The following ANKS1B variants were observed in gnomAD, a reference collection of about 807,000 sequenced individuals.
The protein encoded by ANKS1B is ankyrin repeat and sterile alpha motif domain-containing protein 1B.
A neutral mutation model predicts 148.3 loss-of-function variants in ANKS1B; 36 were observed. The ratio of observed to expected loss-of-function variants is 0.24; its 90% confidence interval spans 0.19 to 0.32. The LOEUF (loss-of-function observed/expected upper bound fraction) is 0.32, where lower values mean the gene tolerates loss of function less well. Ranked by LOEUF, ANKS1B falls within the 10% of genes least tolerant of loss-of-function variation. The pLI, the probability that ANKS1B is intolerant of heterozygous loss-of-function variation, is 1.00. For synonymous variants in ANKS1B, 542 were observed against 560.8 expected (o/e 0.97, Z 0.47); for missense variants, 1,157 against 1,542.6 (o/e 0.75, Z 4.19).
At chr12:99,375,518 T>C (rs17029298) in intron 12 of ANKS1B, among the ~76,000 whole-genome samples, 5,888 of 152,280 alleles carry the variant, frequency 0.039, 360 homozygotes, top group African/African-American at 0.13. Context: ...GACTCACCTA[T>C]AGTAAAAACT....
At chr12:98,781,633 C>G (rs1209289530) in intron 23 of ANKS1B, 2 of 360,178 alleles carry the variant, frequency 5.6e-6, no homozygotes, top group African/African-American at 4.2e-5. Context: ...TGCACCCCCC[C>G]TTTTCCTAGT....
intron 12 of ANKS1B, among the ~76,000 whole-genome samples, chr12:99,348,695 C>A (rs1242222037): frequency 6.6e-6 from 1 of 151,828 alleles, no homozygotes; most frequent in Admixed American, 6.6e-5. Context: ...TTAAGCAAAG[C>A]TATCCTTTAA....
chr12:98,904,011 T>G (rs1307691801), intron 17 of ANKS1B, among the ~76,000 whole-genome samples: 2 of 152,114 alleles, frequency 1.3e-5, no homozygotes, highest in Non-Finnish European at 2.9e-5. Flanking sequence ...TATGTTATAC[T>G]TAAAAATATA....
At chr12:99,341,821 G>T (rs1293345595) in intron 12 of ANKS1B, among the ~76,000 whole-genome samples, 2 of 152,016 alleles carry the variant, frequency 1.3e-5, no homozygotes, top group East Asian at 3.9e-4. Context: ...AATAATAAAG[G>T]TATATAGAAG....
At chr12:99,114,867 T>C (rs944280243) in intron 15 of ANKS1B, among the ~76,000 whole-genome samples, 1 of 151,954 alleles carries the variant, frequency 6.6e-6, no homozygotes, top group African/African-American at 2.4e-5. Context: ...AAGAATCATA[T>C]GAAAAAAAGC....
At chr12:99,351,015 T>C (rs1418549658) in intron 12 of ANKS1B, among the ~76,000 whole-genome samples, 8 of 152,116 alleles carry the variant, frequency 5.3e-5, no homozygotes, top group Non-Finnish European at 1.2e-4. Context: ...TATAGTAATC[T>C]AGGTTTATGA....
At chr12:99,312,536 A>T (rs762852887) in intron 12 of ANKS1B, among the ~76,000 whole-genome samples, 4 of 152,160 alleles carry the variant, frequency 2.6e-5, no homozygotes, top group Non-Finnish European at 5.9e-5. Context: ...CAAAATGACG[A>T]CATAGACCAA....
intron 5 of ANKS1B, 60 bp downstream of exon 5, chr12:99,781,962 A>G (rs2064377057): frequency 4.2e-6 from 6 of 1,429,434 alleles, no homozygotes; most frequent in East Asian, 2.4e-5. Flanking sequence ...TCCTTTGTCT[A>G]TTCCCAAAAT....
rs377503462 is a variant in ANKS1B, at chr12:99,086,811, ACT to A, written c.2527-1790_2527-1789del. Among the ~76,000 whole-genome samples, 269 of 152,268 alleles carry A rather than the reference ACT, an allele frequency of 1.8e-3. 8 individuals carry two copies. The South Asian group carries it at 0.046, about 26-fold the overall frequency. ...ATCACTATTTTTTTTGACAAATCAA[ACT>A]CTGTCCTACTTATGTGTAACACAAA... On this transcript the variant is annotated intron_variant, in intron 15 of 26. Transcript: ENST00000683438.
intron 12 of ANKS1B, among the ~76,000 whole-genome samples, chr12:99,320,937 G>A (rs2154031379): frequency 6.6e-6 from 1 of 152,326 alleles, no homozygotes; most frequent in South Asian, 2.1e-4. Flanking sequence ...CCCTGGAAAT[G>A]CTGCAGGTCT....
At chr12:99,654,048 C>A (rs573185661) in intron 9 of ANKS1B, among the ~76,000 whole-genome samples, 1 of 152,268 alleles carries the variant, frequency 6.6e-6, no homozygotes, top group East Asian at 1.9e-4. Context: ...ATGGAGCTCA[C>A]AGTTTAGTAT....
chr12:99,983,025 G>A (rs1384858703), intron 1 of ANKS1B, among the ~76,000 whole-genome samples: 3 of 152,126 alleles, frequency 2.0e-5, no homozygotes, highest in Non-Finnish European at 4.4e-5. Context: ...ACTTGTCAAG[G>A]GTAGCATGGA....
At chr12:99,169,403 G>A (rs561419409) in intron 14 of ANKS1B, among the ~76,000 whole-genome samples, 2 of 152,172 alleles carry the variant, frequency 1.3e-5, no homozygotes, top group African/African-American at 4.8e-5. Flanking sequence ...AATGACATTT[G>A]GAAAGGATGA....
intron 9 of ANKS1B, among the ~76,000 whole-genome samples, chr12:99,608,170 G>A (rs1450423836): frequency 6.6e-6 from 1 of 152,076 alleles, no homozygotes; most frequent in African/African-American, 2.4e-5. Context: ...AGGCTAGTGT[G>A]TAACCTAATG....
chr12:99,884,803 A>C (rs2092732105), intron 1 of ANKS1B, among the ~76,000 whole-genome samples: 2 of 152,190 alleles, frequency 1.3e-5, no homozygotes, highest in Non-Finnish European at 1.5e-5. Context: ...GGAACCCTTT[A>C]GTATGTTCAT....
chr12:99,617,767 G>A (rs2153365375), intron 9 of ANKS1B, among the ~76,000 whole-genome samples: 1 of 151,390 alleles, frequency 6.6e-6, no homozygotes, highest in African/African-American at 2.4e-5. Context: ...AAACAAACCT[G>A]CACTTTCTGC....
chr12:99,159,097 A>G (rs1034296649), intron 14 of ANKS1B, among the ~76,000 whole-genome samples: 1 of 152,156 alleles, frequency 6.6e-6, no homozygotes, highest in East Asian at 1.9e-4. Flanking sequence ...GTAAACTAGG[A>G]AGACCAGAGG....
chr12:99,344,323 A>G (rs879749151), intron 12 of ANKS1B, among the ~76,000 whole-genome samples: 1 of 152,066 alleles, frequency 6.6e-6, no homozygotes, highest in African/African-American at 2.4e-5. Flanking sequence ...TGTTTCTGAC[A>G]AGCATATTTA....
chr12:98,812,048 T>A (rs17227697), intron 19 of ANKS1B, among the ~76,000 whole-genome samples: 5 of 152,318 alleles, frequency 3.3e-5, no homozygotes, highest in African/African-American at 1.2e-4. Context: ...GTACATTTTT[T>A]AGATGTTATA....
Sources: allele counts gnomAD v4.1 joint callset (sites outside exome capture counted in the v4.1 genomes callset), GRCh38; gene constraint gnomAD v4.1.1; transcripts MANE v1.5; gene names NCBI Gene and HGNC (gene_info 2026-07-23, HGNC 2026-07-21).